WDR7: variants seen among roughly 807,000 people sequenced by gnomAD.
WDR7 encodes the protein WD repeat domain 7.
In WDR7, 46 loss-of-function variants were observed where a neutral mutation model predicts 169.4. That is an observed-to-expected ratio of 0.27 (90% confidence interval 0.21 to 0.35). The LOEUF is 0.35. Ranked by LOEUF, WDR7 falls within the 10% of genes least tolerant of loss-of-function variation. The pLI is 1.00. For synonymous variants in WDR7, 612 were observed against 666.8 expected (o/e 0.92, Z 1.27); for missense variants, 1,534 against 1,859.3 (o/e 0.83, Z 3.22).
At chr18:56,694,558 A>C in intron 9 of WDR7, 61 bp from the exon 10 acceptor site, 1 of 1,507,132 alleles carries the variant, frequency 6.6e-7, no homozygotes, top group African/African-American at 1.4e-5. Flanking sequence ...GAAAAGCATT[A>C]ATGTGTGAAA....
At chr18:56,862,870 T>C (rs2045828008) in intron 20 of WDR7, among the ~76,000 whole-genome samples, 2 of 151,900 alleles carry the variant, frequency 1.3e-5, no homozygotes, top group African/African-American at 2.4e-5. Context: ...AAAAACCTAG[T>C]CTGTTCATAA....
intron 26 of WDR7, among the ~76,000 whole-genome samples, chr18:56,979,297 G>T (rs1225528596): frequency 6.6e-6 from 1 of 152,068 alleles, no homozygotes; most frequent in African/African-American, 2.4e-5. Context: ...CCTGAGCTTA[G>T]TTAGGGCTAG....
intron 14 of WDR7, among the ~76,000 whole-genome samples, chr18:56,742,046 C>T (rs535066357): frequency 1.1e-4 from 16 of 152,184 alleles, no homozygotes; most frequent in Non-Finnish European, 1.9e-4. Context: ...AAATATAATT[C>T]ATCATATTCT....
At chr18:56,806,039 T>C (rs12327452) in intron 19 of WDR7, among the ~76,000 whole-genome samples, 20,097 of 152,156 alleles carry the variant, frequency 0.13, 2,053 homozygotes, top group African/African-American at 0.29. Context: ...CAAGACCCAA[T>C]TCAAATATTT....
intron 16 of WDR7, among the ~76,000 whole-genome samples, chr18:56,774,228 AG>A (rs1193544567): frequency 6.6e-6 from 1 of 152,152 alleles, no homozygotes; most frequent in African/African-American, 2.4e-5. Context: ...AATGGAGTTT[AG>A]AATCAAATTT....
In WDR7 at chr18:56,820,339, C is replaced by CAAAAAAAAAAAAAAAA. The variant is rs386387798; in HGVS notation, c.3304+4205_3304+4220dup. Among the ~76,000 whole-genome samples, 10 of 42,480 alleles carry CAAAAAAAAAAAAAAAA rather than the reference C, an allele frequency of 2.4e-4. 2 individuals are homozygous for CAAAAAAAAAAAAAAAA. Among genetic ancestry groups the CAAAAAAAAAAAAAAAA allele is most frequent in the Non-Finnish European group, 2.3e-4 (6 of 26,256 alleles). The allele number at this position is 42,480 out of a possible 152,430, so 27.9% of individuals were successfully genotyped here. ...AAGGGTCAAGAGTCACTGACATTGT[C>CAAAAAAAAAAAAAAAA]AAAAAAAAAAAAAAAAAAAAAAAAA... On this transcript the variant is annotated intron_variant, in intron 20 of 27. Transcript: ENST00000254442.
chr18:56,780,082 A>G (rs999317701), intron 18 of WDR7, among the ~76,000 whole-genome samples: 2 of 152,204 alleles, frequency 1.3e-5, no homozygotes, highest in African/African-American at 4.8e-5. Context: ...GGATAATAAT[A>G]TATTCCTCAT....
chr18:57,010,106 G>A (rs1366508259), intron 26 of WDR7: 1 of 985,336 alleles, frequency 1.0e-6, no homozygotes, highest in African/African-American at 1.7e-5. Context: ...ATGCTGCTGA[G>A]GAACTCCATG....
chr18:56,944,864 AT>A (rs1362371884), intron 25 of WDR7, among the ~76,000 whole-genome samples: 1 of 152,158 alleles, frequency 6.6e-6, no homozygotes, highest in Non-Finnish European at 1.5e-5. Context: ...TCACAAGCAA[AT>A]TAAAGAAGAC....
At chr18:56,658,412 T>C (rs995398425) in intron 1 of WDR7, among the ~76,000 whole-genome samples, 2 of 152,186 alleles carry the variant, frequency 1.3e-5, no homozygotes, top group South Asian at 4.1e-4. Context: ...TGGAAATACA[T>C]GACTTTGAAA....
At chr18:56,766,615 C>T (rs2044072054) in intron 16 of WDR7, among the ~76,000 whole-genome samples, 1 of 151,958 alleles carries the variant, frequency 6.6e-6, no homozygotes, top group African/African-American at 2.4e-5. Flanking sequence ...GTCTTGAACC[C>T]CCAGGCTGCA....
intron 26 of WDR7, among the ~76,000 whole-genome samples, chr18:56,981,584 T>C (rs2047645863): frequency 6.6e-6 from 1 of 152,020 alleles, no homozygotes; most frequent in Admixed American, 6.6e-5. Flanking sequence ...GGAGAGTGGA[T>C]GGTTTGAAGG....
At chr18:56,706,391 G>T (rs2144688303) in intron 12 of WDR7, among the ~76,000 whole-genome samples, 1 of 152,288 alleles carries the variant, frequency 6.6e-6, no homozygotes, top group Middle Eastern at 3.4e-3. Flanking sequence ...CCGTCAATTG[G>T]TCAGTGAGAA....
At chr18:56,790,730 T>C (rs2044471082) in intron 19 of WDR7, among the ~76,000 whole-genome samples, 1 of 152,180 alleles carries the variant, frequency 6.6e-6, no homozygotes. Context: ...GCTATCTGTT[T>C]TTATTAACCA....
At chr18:56,801,354 T>C (rs138938885) in intron 19 of WDR7, among the ~76,000 whole-genome samples, 204 of 152,314 alleles carry the variant, frequency 1.3e-3, no homozygotes, top group African/African-American at 4.6e-3. Flanking sequence ...CAGCTGTTTT[T>C]GTTTACACCT....
intron 21 of WDR7, among the ~76,000 whole-genome samples, chr18:56,920,951 A>G (rs1025586690): frequency 6.6e-6 from 1 of 152,218 alleles, no homozygotes; most frequent in Non-Finnish European, 1.5e-5. Context: ...AGAATACAAT[A>G]TAAGTTAAGA....
chr18:56,929,743 A>C (rs1397481942), intron 22 of WDR7, among the ~76,000 whole-genome samples: 1 of 152,240 alleles, frequency 6.6e-6, no homozygotes, highest in Non-Finnish European at 1.5e-5. Context: ...TGTTTAAGAG[A>C]AAACTGAGAC....
At chr18:56,847,654 CCAA>C (rs1298457646) in intron 20 of WDR7, among the ~76,000 whole-genome samples, 1 of 152,206 alleles carries the variant, frequency 6.6e-6, no homozygotes, top group Non-Finnish European at 1.5e-5. Context: ...GCTTTGAGGG[CCAA>C]GCTCAAGGCC....
At chr18:56,726,529 T>C (rs2026459948) in intron 13 of WDR7, among the ~76,000 whole-genome samples, 1 of 152,336 alleles carries the variant, frequency 6.6e-6, no homozygotes, top group East Asian at 1.9e-4. Context: ...CTGAAGTTGC[T>C]TATCAGCTTA....
Sources: allele counts gnomAD v4.1 joint callset (sites outside exome capture counted in the v4.1 genomes callset), GRCh38; gene constraint gnomAD v4.1.1; transcripts MANE v1.5; gene names NCBI Gene and HGNC (gene_info 2026-07-23, HGNC 2026-07-21).